Variants in AGFG1 observed in about 807,000 individuals in gnomAD.
AGFG1 encodes arf-GAP domain and FG repeat-containing protein 1.
In AGFG1, 10 loss-of-function variants were observed where a neutral mutation model predicts 60.6. That is an observed-to-expected ratio of 0.16 (90% CI 0.10 to 0.28). The LOEUF is 0.28. Ranked by LOEUF, AGFG1 falls within the 10% of genes least tolerant of loss-of-function variation. The pLI is 1.00. For missense variants in AGFG1, 537 were observed against 676.5 expected, an observed-to-expected ratio of 0.79 and a Z score of 2.29; for synonymous variants, 247 against 242.9, an observed-to-expected ratio of 1.02 and a Z score of -0.16.
chr2:227,493,239 A>G (rs1259939896), intron 2 of AGFG1, among the ~76,000 whole-genome samples: 5 of 152,176 alleles, frequency 3.3e-5, no homozygotes, highest in East Asian at 3.8e-4. Flanking sequence ...AATTATAGAC[A>G]TAGTGCTGTA....
intron 1 of AGFG1, among the ~76,000 whole-genome samples, chr2:227,489,282 A>T (rs1029962789): frequency 3.2e-5 from 4 of 125,068 alleles, no homozygotes; most frequent in African/African-American, 1.3e-4. Context: ...CCAGGATGGA[A>T]TGCAGTGGCG....
intron 9 of AGFG1, 64 bp from the exon 10 acceptor site, chr2:227,536,837 A>G: frequency 1.3e-6 from 2 of 1,544,156 alleles, no homozygotes; most frequent in East Asian, 2.4e-5. Flanking sequence ...ATATAGTGAA[A>G]TAATTTAAAT....
chr2:227,555,177 T>A lies in AGFG1; in HGVS notation c.*682T>A, dbSNP rs1324292558. 2 of 152,610 alleles carry A rather than the reference T, an allele frequency of 1.3e-5. No individual in the cohort carries two copies. The highest frequency in any genetic ancestry group is 2.9e-5 in the Non-Finnish European group (2 of 67,998). 9.5% of individuals were successfully genotyped at this position (152,610 alleles called of 1,614,324 possible). A position where few individuals can be genotyped will look rare whatever the true frequency, so the allele number is the denominator to read the frequency against. ...GCCTTTACCAAAGTGGCCTTAAATA[T>A]GAGTAGTGAATTGAGAACATCTTGA... On this transcript the variant is annotated 3_prime_UTR_variant, in exon 13 of 13. Transcript: ENST00000310078.
At chr2:227,525,130 G>A (rs905390956) in intron 5 of AGFG1, among the ~76,000 whole-genome samples, 2 of 152,004 alleles carry the variant, frequency 1.3e-5, no homozygotes, top group African/African-American at 4.8e-5. Flanking sequence ...ACCTCTTTCC[G>A]TGGAAAAATG....
intron 1 of AGFG1, among the ~76,000 whole-genome samples, chr2:227,477,569 C>T (rs561791092): frequency 1.3e-3 from 202 of 152,070 alleles, no homozygotes; most frequent in Non-Finnish European, 6.9e-4. Context: ...GATTTTACTT[C>T]ATTGTGTTTC....
At chr2:227,506,153 G>A (rs1197126388) in intron 2 of AGFG1, among the ~76,000 whole-genome samples, 9 of 152,100 alleles carry the variant, frequency 5.9e-5, no homozygotes, top group Admixed American at 5.9e-4. Context: ...TTTTGATTAT[G>A]GGTCATAATT....
At chr2:227,493,913 C>T (rs1690895954) in intron 2 of AGFG1, among the ~76,000 whole-genome samples, 1 of 152,178 alleles carries the variant, frequency 6.6e-6, no homozygotes, top group African/African-American at 2.4e-5. Flanking sequence ...ACAGATAACA[C>T]ATTTGTTGGT....
chr2:227,546,281 CCT>C (rs1692644271), intron 10 of AGFG1, among the ~76,000 whole-genome samples: 1 of 152,222 alleles, frequency 6.6e-6, no homozygotes, highest in Non-Finnish European at 1.5e-5. Context: ...GGGTGTGGGA[CCT>C]GCTGAGCCAG....
At chr2:227,508,688 A>ATTTT (rs11464376) in intron 2 of AGFG1, 10 of 394,502 alleles carry the variant, frequency 2.5e-5, no homozygotes, top group Non-Finnish European at 4.5e-5. Flanking sequence ...CACTGTTGGG[A>ATTTT]TTTTTTTTTT....
intron 2 of AGFG1, chr2:227,508,687 G>A: frequency 2.7e-6 from 1 of 376,126 alleles, no homozygotes; most frequent in South Asian, 1.9e-5. Flanking sequence ...ACACTGTTGG[G>A]ATTTTTTTTT....
intron 5 of AGFG1, among the ~76,000 whole-genome samples, chr2:227,527,091 A>G (rs1032382460): frequency 6.6e-6 from 1 of 152,160 alleles, no homozygotes; most frequent in African/African-American, 2.4e-5. Context: ...TGTAATAGCA[A>G]TAGTCTGATA....
chr2:227,538,074 A>G (rs969085646), intron 10 of AGFG1, among the ~76,000 whole-genome samples: 1 of 152,138 alleles, frequency 6.6e-6, no homozygotes, highest in Non-Finnish European at 1.5e-5. Context: ...CTAATGAATG[A>G]TTGTTTTAAA....
chr2:227,546,999 T>G (rs1245333717), intron 10 of AGFG1, among the ~76,000 whole-genome samples: 1 of 152,250 alleles, frequency 6.6e-6, no homozygotes, highest in East Asian at 1.9e-4. Context: ...TTAATGAATT[T>G]GCCTTAAAGG....
chr2:227,546,898 G>A (rs1382854645), intron 10 of AGFG1, among the ~76,000 whole-genome samples: 2 of 151,958 alleles, frequency 1.3e-5, no homozygotes, highest in African/African-American at 2.4e-5. Context: ...TTTCCCTAAG[G>A]AAAGGTACTT....
chr2:227,513,047 G>A (rs1408571811), intron 2 of AGFG1, among the ~76,000 whole-genome samples: 3 of 152,050 alleles, frequency 2.0e-5, no homozygotes, highest in Non-Finnish European at 4.4e-5. Flanking sequence ...ATGAAAATAA[G>A]GTTTTCTCCA....
chr2:227,509,461 T>C (rs1023686391), intron 2 of AGFG1, among the ~76,000 whole-genome samples: 2 of 152,184 alleles, frequency 1.3e-5, no homozygotes, highest in African/African-American at 4.8e-5. Flanking sequence ...CTGACTAATC[T>C]TTAGATCAGA....
chr2:227,489,685 G>A (rs774027638), intron 1 of AGFG1, among the ~76,000 whole-genome samples: 1 of 152,074 alleles, frequency 6.6e-6, no homozygotes, highest in Admixed American at 6.5e-5. Context: ...TTTGAAATTC[G>A]AAACAAATGA....
chr2:227,504,262 G>A (rs1270662251), intron 2 of AGFG1, among the ~76,000 whole-genome samples: 4 of 151,034 alleles, frequency 2.6e-5, no homozygotes, highest in Non-Finnish European at 5.9e-5. Flanking sequence ...GCTGGATCAT[G>A]GCTTACTGCA....
chr2:227,485,643 A>G (rs74510702), intron 1 of AGFG1, among the ~76,000 whole-genome samples: 4,539 of 150,790 alleles, frequency 0.03, 112 homozygotes, highest in Non-Finnish European at 0.045. Flanking sequence ...CTCAGTCATT[A>G]TCACTTCAGT....
Sources: gnomAD v4.1 joint callset for allele counts (sites outside exome capture counted in the v4.1 genomes callset) on GRCh38, gnomAD v4.1.1 for gene constraint, MANE v1.5 for transcripts, NCBI Gene and HGNC (gene_info 2026-07-23, HGNC 2026-07-21) for gene names.